TMTC1: variants seen among roughly 807,000 people sequenced by gnomAD.
TMTC1 encodes the protein protein O-mannosyl-transferase TMTC1.
In TMTC1, 73 loss-of-function variants were observed where a neutral mutation model predicts 104.8. The observed-to-expected ratio is 0.70, with a 90% CI of 0.58 to 0.85. TMTC1 has a LOEUF of 0.85. TMTC1 is among the 40% of genes least tolerant of loss of function. TMTC1 has a pLI of 0.00. For missense variants in TMTC1, 1,035 were observed against 1,096.1 expected (o/e 0.94, Z 0.79); for synonymous variants, 434 against 428.7 (o/e 1.01, Z -0.15).
At chr12:29,656,935 G>A (rs949391462) in intron 5 of TMTC1, among the ~76,000 whole-genome samples, 1 of 152,192 alleles carries the variant, frequency 6.6e-6, no homozygotes, top group African/African-American at 2.4e-5. Context: ...TAGGACAGCT[G>A]TGAGTCAGAT....
intron 5 of TMTC1, among the ~76,000 whole-genome samples, chr12:29,633,952 G>C (rs530236507): frequency 6.6e-5 from 10 of 152,262 alleles, no homozygotes; most frequent in African/African-American, 2.2e-4. Flanking sequence ...TTTGGGGGTA[G>C]AGAAAATGGA....
intron 5 of TMTC1, among the ~76,000 whole-genome samples, chr12:29,654,510 A>C (rs999838443): frequency 4.6e-5 from 7 of 152,322 alleles, no homozygotes; most frequent in Middle Eastern, 3.4e-3. Context: ...GTAGGAATGT[A>C]AAATGGTGCA....
In TMTC1 at chr12:29,633,191, C is replaced by T. The variant is rs150572401; in HGVS notation, c.1084G>A (p.Val362Ile). The T allele has an allele frequency of 4.2e-4, 679 of 1,614,014 alleles. 3 individuals carry two copies. In the East Asian group the frequency reaches 0.013, roughly 30 times the overall value. ...MRNLATIFLAVVMALLSLHCL... is the reference protein window; with the variant it reads ...MRNLATIFLAIVMALLSLHCL... ...TGCAGGCTCAATAAGGCCATCACAA[C>T]CGCCAGAAAGATGGTGGCTAAGTTC... Residue 362 changes from valine (V) to isoleucine (I), a missense_variant, in exon 6 of 18, where the codon GTT becomes ATT. Val to Ile is a conservative substitution (Grantham distance 29). Transcript: ENST00000539277.
rs1943858383 is a variant in TMTC1, at chr12:29,512,174, A to G, written c.2431-54T>C. The G allele has an allele frequency of 4.1e-6, 6 of 1,462,420 alleles. No homozygotes were observed. The South Asian group carries it at 7.6e-5, about 19-fold the overall frequency. The allele number at this position is 1,462,420 out of a possible 1,614,324, so 90.6% of individuals were successfully genotyped here. ...AGGAAACAAACCTCCAAACTCCAGG[A>G]TTGCAGAAACCACTTTCTTCACGTG... On this transcript the variant is annotated intron_variant, in intron 16 of 17. Transcript: ENST00000539277.
At chr12:29,725,564 A>C (rs1942367336) in intron 5 of TMTC1, among the ~76,000 whole-genome samples, 1 of 152,220 alleles carries the variant, frequency 6.6e-6, no homozygotes, top group Non-Finnish European at 1.5e-5. Flanking sequence ...ATAAAGGCAG[A>C]ATTGAAAGAC....
chr12:29,683,929 C>T (rs111861162), intron 5 of TMTC1, among the ~76,000 whole-genome samples: 20 of 151,792 alleles, frequency 1.3e-4, no homozygotes, highest in Middle Eastern at 3.4e-3. Flanking sequence ...CTGCAACCTC[C>T]GTCTCCCAGG....
At chr12:29,717,773 T>C (rs1436912858) in intron 5 of TMTC1, among the ~76,000 whole-genome samples, 1 of 152,210 alleles carries the variant, frequency 6.6e-6, no homozygotes, top group Non-Finnish European at 1.5e-5. Context: ...CAAAGTTTTG[T>C]CATATTGGGA....
chr12:29,552,403 A>C (rs1945129634), intron 10 of TMTC1, among the ~76,000 whole-genome samples: 1 of 152,238 alleles, frequency 6.6e-6, no homozygotes, highest in Non-Finnish European at 1.5e-5. Context: ...AATATTATTA[A>C]AAATAATTTC....
chr12:29,697,999 C>A, intron 5 of TMTC1, among the ~76,000 whole-genome samples: 1 of 152,130 alleles, frequency 6.6e-6, no homozygotes, highest in East Asian at 1.9e-4. Flanking sequence ...AAATAGAGTA[C>A]TCTTGTATGA....
intron 5 of TMTC1, among the ~76,000 whole-genome samples, chr12:29,699,768 T>C (rs552678789): frequency 4.3e-4 from 65 of 149,436 alleles, no homozygotes; most frequent in African/African-American, 1.5e-3. Context: ...TCCTCCTGAG[T>C]AGCTGGGACT....
chr12:29,713,915 T>C (rs1177320901), intron 5 of TMTC1, among the ~76,000 whole-genome samples: 1 of 152,070 alleles, frequency 6.6e-6, no homozygotes, highest in African/African-American at 2.4e-5. Flanking sequence ...GGGGCCCTCA[T>C]GAATGGATTA....
Position 29,583,571 on chromosome 12 carries a change from C to T in TMTC1, c.1254G>A (p.Met418Ile). ...CATGCACAAAAAGGATGCAGTAGCC[C>T]ATGCTGGAAAACAGGGTGGAAGGAA... ...VAERVLYMPSMGYCILFVHGL... is the reference protein window; with the variant it reads ...VAERVLYMPSIGYCILFVHGL... Residue 418 changes from methionine to isoleucine, a missense_variant, in exon 8 of 18, where the codon ATG (methionine) becomes ATA (isoleucine). Physicochemically the swap from Met to Ile is conservative, Grantham distance 10. Coordinates refer to ENST00000539277, the MANE Select transcript of TMTC1 (RefSeq NM_001193451.2). The T allele has an allele frequency of 6.2e-7, 1 of 1,612,166 alleles. No individual in the cohort carries two copies.
chr12:29,535,342 G>C (rs1356334586), intron 11 of TMTC1: 2 of 152,114 alleles, frequency 1.3e-5, no homozygotes, highest in African/African-American at 4.8e-5. Context: ...ATCCTACAGG[G>C]AGAAAGGGCA....
intron 12 of TMTC1, chr12:29,519,820 G>A (rs568710451): frequency 2.0e-5 from 3 of 152,266 alleles, no homozygotes; most frequent in African/African-American, 7.2e-5. Context: ...GCAAAAATAA[G>A]GTAAGTTTCT....
At chr12:29,728,016 T>C (rs1438086559) in intron 5 of TMTC1, among the ~76,000 whole-genome samples, 2 of 152,202 alleles carry the variant, frequency 1.3e-5, no homozygotes, top group Non-Finnish European at 2.9e-5. Flanking sequence ...AAGTATCTTC[T>C]GCGCGCCCAA....
At chr12:29,693,978 TC>T (rs1172644338) in intron 5 of TMTC1, among the ~76,000 whole-genome samples, 8 of 152,320 alleles carry the variant, frequency 5.3e-5, no homozygotes, top group African/African-American at 1.9e-4. Flanking sequence ...TTAATTACAT[TC>T]TTTTTATATA....
intron 12 of TMTC1, 130 bp from the exon 13 acceptor site, chr12:29,518,737 A>G (rs1026182244): frequency 9.3e-6 from 11 of 1,181,142 alleles, no homozygotes; most frequent in Non-Finnish European, 1.3e-5. Context: ...TTCAATATGC[A>G]AATTAGCTTG....
intron 5 of TMTC1, among the ~76,000 whole-genome samples, chr12:29,649,926 T>G (rs375883059): frequency 6.6e-6 from 1 of 152,280 alleles, no homozygotes; most frequent in East Asian, 1.9e-4. Flanking sequence ...AAGGATTTAT[T>G]TTTGTATCAG....
chr12:29,706,505 C>T (rs1941748759), intron 5 of TMTC1, among the ~76,000 whole-genome samples: 1 of 152,092 alleles, frequency 6.6e-6, no homozygotes, highest in South Asian at 2.1e-4. Flanking sequence ...GAGGTAGTGC[C>T]ATTAGCATCA....
Sources: gnomAD v4.1 joint callset for allele counts (sites outside exome capture counted in the v4.1 genomes callset) on GRCh38, gnomAD v4.1.1 for gene constraint, MANE v1.5 for transcripts, NCBI Gene and HGNC (gene_info 2026-07-23, HGNC 2026-07-21) for gene names.